The following GCA variants were observed in gnomAD, a reference collection of about 807,000 sequenced individuals.
The protein encoded by GCA is grancalcin, EF-hand calcium-binding protein.
GCA carries 30 observed loss-of-function variants against 32.6 expected under a neutral mutation model. The ratio of observed to expected loss-of-function variants is 0.92; its 90% CI spans 0.69 to 1.25. The LOEUF is 1.25. Among genes scored for constraint, GCA ranks in the 50% most tolerant of loss-of-function variants. The probability of loss-of-function intolerance (pLI) is 0.00; values close to 1 mark genes in which losing one functional copy is unlikely to be tolerated. For synonymous variants in GCA, 102 were observed against 84.6 expected (o/e 1.21, Z -1.13); for missense variants, 291 against 266.8 (o/e 1.09, Z -0.63).
intron 6 of GCA, 56 bp downstream of exon 6, chr2:162,359,213 A>C (rs1459783057): frequency 1.1e-6 from 1 of 930,526 alleles, no homozygotes; most frequent in African/African-American, 1.7e-5. Context: ...TTCTTGAATA[A>C]TGTGTCTCAT....
At chr2:162,319,045 T>A (rs537106660) in exon 1 of GCA, 2 of 422,380 alleles carry the variant, frequency 4.7e-6, no homozygotes, top group Admixed American at 5.1e-5. Flanking sequence ...GGAGTTACCC[T>A]CGGCTGGTGA....
At chr2:162,334,776 C>G (rs1372456703) in intron 1 of GCA, among the ~76,000 whole-genome samples, 2 of 139,392 alleles carry the variant, frequency 1.4e-5, no homozygotes, top group Admixed American at 1.4e-4. Flanking sequence ...ACAGGAGGTA[C>G]TCGATGCATA....
At chr2:162,364,812 A>G (rs1272612402), downstream of GCA, among the ~76,000 whole-genome samples, 1 of 151,656 alleles carries the variant, frequency 6.6e-6, no homozygotes. Context: ...AAAAAAATGA[A>G]GCAAACGTAT....
At position 162,361,782 on chromosome 2, in the gene GCA, TAAAG is replaced by T. The variant is rs1245252834; in HGVS notation, c.*1543_*1546del. On this transcript the variant is annotated 3_prime_UTR_variant, in exon 8 of 8. Coordinates refer to ENST00000437150, the MANE Select transcript of GCA (RefSeq NM_012198.5). The stretch of plus-strand genomic sequence containing the variant: ...GAGGACATTAACTGAGCTGGGAAAT[TAAAG>T]AAACAGAATTCTAATTAGAAGTGTT... 1.0e-6 allele frequency: 1 copy of T among 984,260 alleles called. No individual in the cohort carries two copies. The highest frequency in any genetic ancestry group is 1.8e-5 in the African/African-American group (1 of 57,122). 61.0% of individuals were successfully genotyped at this position (984,260 alleles called of 1,614,324 possible).
chr2:162,369,288 C>T (rs1685849156), intron 4 of GCA, among the ~76,000 whole-genome samples: 3 of 152,048 alleles, frequency 2.0e-5, no homozygotes, highest in African/African-American at 7.2e-5. Context: ...CTGTAAGTCA[C>T]TTTAGCCATT....
At position 162,359,480 on chromosome 2, in the gene GCA, T is replaced by A. The variant is rs769391438; in HGVS notation, c.569-14T>A. The A allele has an allele frequency of 7.4e-7, 1 of 1,354,874 alleles. No homozygotes were observed. Among genetic ancestry groups the A allele is most frequent in the East Asian group, 2.3e-5 (1 of 42,838 alleles). 83.9% of individuals were successfully genotyped at this position (1,354,874 alleles called of 1,614,324 possible). On this transcript the variant is annotated splice_polypyrimidine_tract_variant and intron_variant, in intron 6 of 7. Transcript: ENST00000437150. ...TTTTAAATTACAATAAAAAAGTAATTTCTTTGTTTAAAGATTTCTTTAGGA... is the reference window on the plus strand; with the variant it reads ...TTTTAAATTACAATAAAAAAGTAATATCTTTGTTTAAAGATTTCTTTAGGA...
chr2:162,368,943 C>T (rs1685838889), intron 4 of GCA, among the ~76,000 whole-genome samples: 1 of 152,044 alleles, frequency 6.6e-6, no homozygotes, highest in Admixed American at 6.6e-5. Context: ...GCTCTTTGCC[C>T]AGCAATTAAT....
At chr2:162,328,218 CAAAAAAAAA>C (rs35156397) in intron 1 of GCA, among the ~76,000 whole-genome samples, 5 of 90,048 alleles carry the variant, frequency 5.6e-5, no homozygotes, top group South Asian at 3.9e-4. Context: ...CTGTTTCTAC[CAAAAAAAAA>C]AAAAAAAAAA....
chr2:162,371,546 T>A (rs1311678965), exon 5 of GCA: 1 of 978,890 alleles, frequency 1.0e-6, no homozygotes, highest in Non-Finnish European at 1.3e-6. Context: ...GCAAGAGAAA[T>A]TGGAGTTTCC....
chr2:162,345,881 A>G (rs1684677967), intron 1 of GCA, among the ~76,000 whole-genome samples: 1 of 152,174 alleles, frequency 6.6e-6, no homozygotes, highest in Non-Finnish European at 1.5e-5. Flanking sequence ...CCCATGCCTT[A>G]TTAATGTTTC....
downstream of GCA, among the ~76,000 whole-genome samples, chr2:162,363,160 AATG>A (rs1168113231): frequency 6.6e-6 from 1 of 151,122 alleles, no homozygotes; most frequent in South Asian, 2.1e-4. Flanking sequence ...CAAACTCTTA[AATG>A]ATATGTTTTC....
intron 2 of GCA, among the ~76,000 whole-genome samples, chr2:162,348,726 T>A (rs1684835577): frequency 6.6e-6 from 1 of 152,156 alleles, no homozygotes; most frequent in East Asian, 1.9e-4. Context: ...TTTCTTTTAC[T>A]CCTACATAAC....
At chr2:162,354,370 AG>A (rs1304927075) in intron 3 of GCA, among the ~76,000 whole-genome samples, 5 of 152,126 alleles carry the variant, frequency 3.3e-5, no homozygotes, top group Non-Finnish European at 7.4e-5. Flanking sequence ...TGGACTCAGA[AG>A]GGTTCTCAAA....
At chr2:162,351,982 A>T (rs1293959666) in intron 2 of GCA, among the ~76,000 whole-genome samples, 2 of 152,112 alleles carry the variant, frequency 1.3e-5, no homozygotes, top group Non-Finnish European at 2.9e-5. Flanking sequence ...CCAAAACAGC[A>T]TGAGTGGGGA....
intron 1 of GCA, 117 bp downstream of exon 1, chr2:162,344,392 T>G: frequency 2.0e-6 from 2 of 981,474 alleles, no homozygotes; most frequent in South Asian, 2.9e-5. Flanking sequence ...CGCCTGGTAC[T>G]CGGCGGCGCC....
chr2:162,358,070 C>T (rs1192987974), intron 5 of GCA, among the ~76,000 whole-genome samples: 1 of 151,394 alleles, frequency 6.6e-6, no homozygotes, highest in Non-Finnish European at 1.5e-5. Context: ...TCTATTATAG[C>T]TGCATGTATA....
chr2:162,348,046 C>T (rs1446118016), intron 2 of GCA, among the ~76,000 whole-genome samples: 2 of 152,004 alleles, frequency 1.3e-5, no homozygotes, highest in Non-Finnish European at 2.9e-5. Context: ...ACAAGGGGCT[C>T]CTCTTACTAG....
intron 2 of GCA, among the ~76,000 whole-genome samples, chr2:162,348,517 A>G (rs1049266546): frequency 1.3e-5 from 2 of 152,202 alleles, no homozygotes; most frequent in African/African-American, 4.8e-5. Flanking sequence ...GGATTTATTA[A>G]TTAAAAATTA....
intron 2 of GCA, among the ~76,000 whole-genome samples, chr2:162,348,389 C>G (rs376413208): frequency 6.6e-6 from 1 of 151,994 alleles, no homozygotes; most frequent in Non-Finnish European, 1.5e-5. Flanking sequence ...TTCAGAGTCT[C>G]GTAAATTTAT....
Sources: gnomAD v4.1 joint callset for allele counts (sites outside exome capture counted in the v4.1 genomes callset) on GRCh38, gnomAD v4.1.1 for gene constraint, MANE v1.5 for transcripts, NCBI Gene and HGNC (gene_info 2026-07-23, HGNC 2026-07-21) for gene names.